The following MTUS2 variants were observed in gnomAD, a reference collection of about 807,000 sequenced individuals.
MTUS2 encodes microtubule-associated tumor suppressor candidate 2.
In MTUS2, 40 loss-of-function variants were observed where a neutral mutation model predicts 114.1. The ratio of observed to expected loss-of-function variants is 0.35; its 90% CI spans 0.27 to 0.46. The LOEUF (loss-of-function observed/expected upper bound fraction) is 0.46. Among genes scored for constraint, MTUS2 ranks in the 20% least tolerant of loss-of-function variants. MTUS2 has a pLI of 1.00. For missense variants in MTUS2, 1,679 were observed against 1,705.4 expected (o/e 0.98, Z 0.27); for synonymous variants, 688 against 672.0 (o/e 1.02, Z -0.37).
chr13:28,832,506 A>G (rs895594811), intron 1 of MTUS2, among the ~76,000 whole-genome samples: 6 of 56,462 alleles, frequency 1.1e-4, no homozygotes, highest in Non-Finnish European at 2.3e-4. Context: ...CAATACTTAG[A>G]GGGATTTTTT....
At chr13:28,826,487 T>C (rs937957583) in intron 1 of MTUS2, among the ~76,000 whole-genome samples, 2 of 152,220 alleles carry the variant, frequency 1.3e-5, no homozygotes, top group African/African-American at 4.8e-5. Flanking sequence ...TTACTCTGTT[T>C]ACTGTAGACC....
At chr13:29,229,994 C>CCCA (rs1343040443) in intron 5 of MTUS2, among the ~76,000 whole-genome samples, 1 of 152,182 alleles carries the variant, frequency 6.6e-6, no homozygotes, top group African/African-American at 2.4e-5. Flanking sequence ...CGCCTGTAAT[C>CCCA]CCAGCACTTT....
intron 1 of MTUS2, among the ~76,000 whole-genome samples, chr13:28,833,935 A>G (rs1044792294): frequency 6.6e-6 from 1 of 152,158 alleles, no homozygotes; most frequent in South Asian, 2.1e-4. Flanking sequence ...AGTATCAAAA[A>G]GAATAAGATA....
rs1409237254 is a variant in MTUS2, at chr13:29,337,793, G to T, written c.2905+13082G>T. Among the ~76,000 whole-genome samples the T allele has an allele frequency of 3.8e-4, 51 of 132,624 alleles. 1 individual carries two copies. Among genetic ancestry groups the T allele is most frequent in the Middle Eastern group, 3.9e-3 (1 of 254 alleles). 87.0% of individuals were successfully genotyped at this position (132,624 alleles called of 152,430 possible). ...ATTTTTTGTTTGTTTGTTTGTTTTG[G>T]TTTTTTTTTTTTTGAGACAGAGTCT... is the stretch of plus-strand genomic sequence containing the variant. On this transcript the variant is annotated intron_variant, in intron 7 of 15. Transcript: ENST00000612955.
At chr13:29,379,560 A>G (rs570990996) in intron 8 of MTUS2, among the ~76,000 whole-genome samples, 2 of 152,200 alleles carry the variant, frequency 1.3e-5, no homozygotes, top group Non-Finnish European at 2.9e-5. Flanking sequence ...GGGTCCCTCC[A>G]GATGAGCAAA....
At chr13:28,997,353 A>G (rs145843911) in intron 2 of MTUS2, among the ~76,000 whole-genome samples, 2,684 of 152,140 alleles carry the variant, frequency 0.018, 81 homozygotes, top group African/African-American at 0.061. Context: ...GTGCTGAAAA[A>G]AATGTATATT....
intron 11 of MTUS2, among the ~76,000 whole-genome samples, chr13:29,491,651 T>G (rs1327226610): frequency 6.8e-6 from 1 of 148,132 alleles, no homozygotes; most frequent in Non-Finnish European, 1.5e-5. Flanking sequence ...TATGTGTGTG[T>G]GGCATGTAGT....
At chr13:29,080,926 A>G (rs1343003932) in intron 4 of MTUS2, among the ~76,000 whole-genome samples, 1 of 152,140 alleles carries the variant, frequency 6.6e-6, no homozygotes, top group Non-Finnish European at 1.5e-5. Flanking sequence ...GGGTTTCACC[A>G]TGTTGACCAG....
At chr13:28,956,484 G>A (rs1350137778) in intron 2 of MTUS2, among the ~76,000 whole-genome samples, 1 of 152,132 alleles carries the variant, frequency 6.6e-6, no homozygotes, top group Non-Finnish European at 1.5e-5. Flanking sequence ...AACTTGGTTG[G>A]CTTCCCCACC....
rs150159777 is a variant in MTUS2 at position 29,153,379 on chromosome 13, C to T, written c.2644+52409C>T. ...TATATTTCACTTAGAAATGAATTAG[C>T]GAATTCTACTCTCTCCTTCTCCTGG... On this transcript the variant is annotated intron_variant, in intron 5 of 15. Transcript: ENST00000612955. Among the ~76,000 whole-genome samples, 130 of 152,272 alleles carry T rather than the reference C, an allele frequency of 8.5e-4. 1 individual carries two copies. The highest frequency in any genetic ancestry group is 3.0e-3 in the African/African-American group (123 of 41,552).
At chr13:29,364,352 T>C (rs1767666583) in intron 8 of MTUS2, among the ~76,000 whole-genome samples, 1 of 152,062 alleles carries the variant, frequency 6.6e-6, no homozygotes, top group Non-Finnish European at 1.5e-5. Context: ...GCCTGCTGTC[T>C]GCAGAGTGCC....
At chr13:29,187,390 A>G (rs758817165) in intron 5 of MTUS2, among the ~76,000 whole-genome samples, 2 of 152,188 alleles carry the variant, frequency 1.3e-5, no homozygotes, top group Non-Finnish European at 2.9e-5. Flanking sequence ...GACTCAAATG[A>G]CTAAAATCAG....
chr13:29,184,427 T>A (rs1894136772), intron 5 of MTUS2, among the ~76,000 whole-genome samples: 1 of 152,188 alleles, frequency 6.6e-6, no homozygotes, highest in African/African-American at 2.4e-5. Context: ...TAGGGCTGTG[T>A]GCATTCTCAG....
intron 2 of MTUS2, among the ~76,000 whole-genome samples, chr13:28,870,930 G>T (rs1353608291): frequency 6.6e-6 from 1 of 152,130 alleles, no homozygotes; most frequent in African/African-American, 2.4e-5. Context: ...TCATGTTCTA[G>T]TTGCTTTTGA....
intron 11 of MTUS2, among the ~76,000 whole-genome samples, chr13:29,492,140 G>A (rs1247421987): frequency 1.5e-5 from 1 of 67,312 alleles, no homozygotes; most frequent in Non-Finnish European, 3.7e-5. Flanking sequence ...GATGTGTGTG[G>A]TAGGTGTGTA....
At chr13:29,385,190 G>A (rs764428839) in intron 8 of MTUS2, among the ~76,000 whole-genome samples, 32 of 152,170 alleles carry the variant, frequency 2.1e-4, no homozygotes, top group Non-Finnish European at 3.7e-4. Flanking sequence ...ATACTAGGCC[G>A]TGCTACCACA....
rs556342122 is a variant in MTUS2, at chr13:29,359,254, T to C, written c.2906-8T>C. On this transcript the variant is annotated splice_polypyrimidine_tract_variant and splice_region_variant and intron_variant, in intron 7 of 15. Coordinates refer to ENST00000612955, the MANE Select transcript of MTUS2 (RefSeq NM_001033602.4). ...CAGGTGACCGGGGTTTGGTTTTCTT[T>C]CTCACAGGATACCCAAAGCAGAGGA... 2 of 1,586,776 alleles carry C rather than the reference T, an allele frequency of 1.3e-6. No homozygotes were observed. Among genetic ancestry groups the C allele is most frequent in the East Asian group, 4.6e-5 (2 of 43,568 alleles).
chr13:29,197,553 G>C (rs1894754750), intron 5 of MTUS2, among the ~76,000 whole-genome samples: 1 of 151,494 alleles, frequency 6.6e-6, no homozygotes, highest in Non-Finnish European at 1.5e-5. Context: ...CTTTATAGTA[G>C]AATGATTCTT....
chr13:29,306,607 A>G (rs1460202278), intron 6 of MTUS2, among the ~76,000 whole-genome samples: 2 of 152,252 alleles, frequency 1.3e-5, no homozygotes, highest in African/African-American at 4.8e-5. Context: ...CTTCAAGGAA[A>G]ACTACATACC....
Sources: gnomAD v4.1 joint callset for allele counts (sites outside exome capture counted in the v4.1 genomes callset) on GRCh38, gnomAD v4.1.1 for gene constraint, MANE v1.5 for transcripts, NCBI Gene and HGNC (gene_info 2026-07-23, HGNC 2026-07-21) for gene names.